Variants in TRMT44 observed in about 807,000 individuals in gnomAD.
TRMT44 encodes the protein probable tRNA (uracil-O(2)-)-methyltransferase.
In TRMT44, 78 loss-of-function variants were observed where a neutral mutation model predicts 77.3. That is an observed-to-expected ratio of 1.01 (90% CI 0.84 to 1.22). The LOEUF is 1.22. Ranked by LOEUF, TRMT44 falls within the 50% of genes most tolerant of loss-of-function variation. TRMT44 has a pLI of 0.00. For missense variants in TRMT44, 1,090 were observed against 964.4 expected (o/e 1.13, Z -1.73); for synonymous variants, 391 against 383.3 (o/e 1.02, Z -0.23).
chr4:8,493,745 G>A (rs956804554), downstream of TRMT44, among the ~76,000 whole-genome samples: 7 of 151,932 alleles, frequency 4.6e-5, no homozygotes, highest in South Asian at 2.1e-4. Context: ...TCCATTGGTC[G>A]CCTTGCTTTC....
rs1727397563 is a variant in TRMT44, at chr4:8,476,484, AAAG to A, written c.*484_*486del. The A allele has an allele frequency of 6.2e-6, 1 of 162,488 alleles. No individual in the cohort carries two copies. Among genetic ancestry groups the A allele is most frequent in the Non-Finnish European group, 1.4e-5 (1 of 73,712 alleles). The allele number at this position is 162,488 out of a possible 1,614,324, so 10.1% of individuals were successfully genotyped here. On this transcript the variant is annotated 3_prime_UTR_variant, in exon 11 of 11. Coordinates refer to ENST00000389737, the MANE Select transcript of TRMT44 (RefSeq NM_152544.3). ...GATCCACCAGATTGGTATTTTTAAAAAAGGTGTCAGGCTTGCTATGTTGAGGTT... is the reference window on the plus strand; with the variant it reads ...GATCCACCAGATTGGTATTTTTAAAAGTGTCAGGCTTGCTATGTTGAGGTT...
intron 2 of TRMT44, among the ~76,000 whole-genome samples, chr4:8,447,998 T>G (rs564542851): frequency 9.3e-4 from 141 of 152,300 alleles, no homozygotes; most frequent in African/African-American, 3.3e-3. Flanking sequence ...GACAAGCTAC[T>G]GAGGACGTGG....
Position 8,467,927 on chromosome 4 carries a change from G to T in TRMT44, c.1508G>T (p.Gly503Val), listed in dbSNP as rs756743925. Reference sequence around the variant, plus strand: ...CTTCAAACGCAGGTCTGTCTCGTTGGAAAATCCAGAACATACCCTTCCTCC... The same window carrying T: ...CTTCAAACGCAGGTCTGTCTCGTTGTAAAATCCAGAACATACCCTTCCTCC... The part of the protein sequence containing the change: ...IPSTKRVCLV[G>V]KSRTYPSSRE... The change falls in exon 9 of 11, where the codon GGA becomes GTA. Residue 503 changes from glycine (G) to valine (V), a missense_variant. Coordinates refer to ENST00000389737, the MANE Select transcript of TRMT44 (RefSeq NM_152544.3). 1.2e-6 allele frequency: 2 copies of T among 1,601,844 alleles called. No individual in the cohort carries two copies. The highest frequency in any genetic ancestry group is 1.7e-6 in the Non-Finnish European group (2 of 1,171,014).
At chr4:8,514,523 C>T in the TRMT44 span, among the ~76,000 whole-genome samples, 14 of 152,008 alleles carry the variant, frequency 9.2e-5, no homozygotes, top group African/African-American at 3.1e-4. Flanking sequence ...GTGATCCGCC[C>T]GCCTCAGCCT....
At chr4:8,465,648 C>T (rs10009833) in intron 8 of TRMT44, 87 bp downstream of exon 8, 106,521 of 1,201,524 alleles carry the variant, frequency 0.089, 5,633 homozygotes, top group South Asian at 0.18. Context: ...ATGAACCATG[C>T]TGTAACGTTC....
chr4:8,467,302 G>A (rs1005278087), intron 8 of TRMT44, among the ~76,000 whole-genome samples: 20 of 152,340 alleles, frequency 1.3e-4, no homozygotes, highest in Middle Eastern at 6.8e-3. Flanking sequence ...GCGGCAGCGG[G>A]AAACTAGGAC....
intron 2 of TRMT44, among the ~76,000 whole-genome samples, chr4:8,489,486 GTTTTA>G (rs1300873497): frequency 2.0e-5 from 3 of 150,992 alleles, no homozygotes; most frequent in African/African-American, 7.4e-5. Context: ...GTTTTGTTTT[GTTTTA>G]TTTGAGATGG....
intron 3 of TRMT44, 61 bp downstream of exon 3, chr4:8,449,949 C>CTTTTATTTTTTTTTT: frequency 4.2e-6 from 1 of 238,690 alleles, no homozygotes; most frequent in Non-Finnish European, 6.1e-6. Flanking sequence ...CTTTTCTTTT[C>CTTTTATTTTTTTTTT]TTTTTTTTTT....
the TRMT44 span, among the ~76,000 whole-genome samples, chr4:8,505,643 C>T: frequency 6.6e-6 from 1 of 152,246 alleles, no homozygotes. Context: ...CACTGTCACC[C>T]TCTCATTCAG....
chr4:8,462,496 C>T (rs554201347), intron 6 of TRMT44, among the ~76,000 whole-genome samples: 5 of 151,894 alleles, frequency 3.3e-5, no homozygotes, highest in Admixed American at 2.0e-4. Context: ...CACGAGGTCA[C>T]GAGATCGAGA....
At chr4:8,473,192 C>T (rs953979104) in intron 10 of TRMT44, 2 of 152,318 alleles carry the variant, frequency 1.3e-5, no homozygotes, top group Non-Finnish European at 2.9e-5. Context: ...TTCCAGATGG[C>T]TTCAGGTCAG....
the TRMT44 span, among the ~76,000 whole-genome samples, chr4:8,498,803 G>A: frequency 2.6e-5 from 4 of 152,210 alleles, no homozygotes; most frequent in Admixed American, 2.0e-4. This position sits in a 1 kb window ranked among gnomAD's most constrained non-coding sequence, Gnocchi z 4.3. Flanking sequence ...CAGGGGCGAT[G>A]TGTTCTGGGT....
downstream of TRMT44, among the ~76,000 whole-genome samples, chr4:8,496,273 C>T (rs1728147823): frequency 6.6e-6 from 1 of 152,178 alleles, no homozygotes; most frequent in South Asian, 2.1e-4. Context: ...CTTTTACTTC[C>T]TTCCTTTGTA....
chr4:8,465,585 C>G (rs769693398), intron 8 of TRMT44, 24 bp downstream of exon 8: 1 of 1,594,820 alleles, frequency 6.3e-7, no homozygotes, highest in East Asian at 2.2e-5. Flanking sequence ...TCATGTTGTT[C>G]TAGGCGGTGT....
At chr4:8,499,735 G>T in the TRMT44 span, among the ~76,000 whole-genome samples, 2 of 152,206 alleles carry the variant, frequency 1.3e-5, no homozygotes, top group Non-Finnish European at 2.9e-5. Context: ...GAAAGAGGGG[G>T]ATCACAGACA....
intron 2 of TRMT44, among the ~76,000 whole-genome samples, chr4:8,447,190 T>C (rs765571275): frequency 2.6e-5 from 4 of 152,204 alleles, no homozygotes; most frequent in Non-Finnish European, 4.4e-5. Flanking sequence ...TTGTTATTTT[T>C]TATGACTTAG....
At chr4:8,457,865 A>G (rs935593816) in intron 6 of TRMT44, among the ~76,000 whole-genome samples, 4 of 152,204 alleles carry the variant, frequency 2.6e-5, no homozygotes, top group Non-Finnish European at 5.9e-5. Context: ...AGAGCCAGTC[A>G]AGGAAATCAT....
At chr4:8,502,698 C>T in the TRMT44 span, among the ~76,000 whole-genome samples, 2 of 152,194 alleles carry the variant, frequency 1.3e-5, no homozygotes. Context: ...CCAGGGCCAG[C>T]TCACACACAG....
At chr4:8,505,702 A>G in the TRMT44 span, among the ~76,000 whole-genome samples, 14 of 152,208 alleles carry the variant, frequency 9.2e-5, no homozygotes, top group Admixed American at 2.0e-4. Flanking sequence ...AAGGCCACTG[A>G]TATGGTTGGG....
Sources: gnomAD v4.1 joint callset for allele counts (sites outside exome capture counted in the v4.1 genomes callset) on GRCh38, gnomAD v4.1.1 for gene constraint, Gnocchi (gnomAD v3.1) non-coding constraint, MANE v1.5 for transcripts, NCBI Gene and HGNC (gene_info 2026-07-23, HGNC 2026-07-21) for gene names.